The following PAPPA2 variants were observed in gnomAD, a reference collection of about 807,000 sequenced individuals.
The protein encoded by PAPPA2 is pappalysin 2.
In PAPPA2, 86 loss-of-function variants were observed where a neutral mutation model predicts 176.4. The ratio of observed to expected loss-of-function variants is 0.49; its 90% CI spans 0.41 to 0.58. The LOEUF (loss-of-function observed/expected upper bound fraction) is 0.58, where lower values mean the gene tolerates loss of function less well. PAPPA2 is among the 20% of genes least tolerant of loss of function. The pLI is 0.00. For synonymous variants in PAPPA2, 809 were observed against 852.2 expected, an observed-to-expected ratio of 0.95 and a Z score of 0.88; for missense variants, 2,073 against 2,256.9, an observed-to-expected ratio of 0.92 and a Z score of 1.65.
chr1:176,793,136 C>G (rs1218987986), intron 19 of PAPPA2, among the ~76,000 whole-genome samples: 1 of 152,118 alleles, frequency 6.6e-6, no homozygotes, highest in Non-Finnish European at 1.5e-5. Context: ...TTTAAGCTTC[C>G]AGGAGACCAT....
intron 1 of PAPPA2, among the ~76,000 whole-genome samples, chr1:176,487,444 C>A (rs1652696917): frequency 6.6e-6 from 1 of 152,156 alleles, no homozygotes; most frequent in Admixed American, 6.6e-5. Flanking sequence ...GCAACCTTGG[C>A]CAGGTACTCA....
intron 1 of PAPPA2, among the ~76,000 whole-genome samples, chr1:176,477,993 A>G (rs1450033354): frequency 6.6e-6 from 1 of 152,164 alleles, no homozygotes; most frequent in Non-Finnish European, 1.5e-5. Flanking sequence ...CCATGGGACA[A>G]TTATGGAGGT....
At chr1:176,693,647 A>G (rs1660226076) in intron 6 of PAPPA2, among the ~76,000 whole-genome samples, 1 of 152,102 alleles carries the variant, frequency 6.6e-6, no homozygotes, top group South Asian at 2.1e-4. Flanking sequence ...GGATTTTGAT[A>G]CCTGTCCCTG....
intron 1 of PAPPA2, among the ~76,000 whole-genome samples, chr1:176,498,893 G>A (rs145242455): frequency 4.7e-4 from 72 of 152,270 alleles, no homozygotes; most frequent in African/African-American, 1.6e-3. Flanking sequence ...ACCTAAGGCT[G>A]TCCTTTCCAC....
intron 3 of PAPPA2, among the ~76,000 whole-genome samples, chr1:176,632,568 G>A (rs1573162453): frequency 6.6e-6 from 1 of 152,262 alleles, no homozygotes; most frequent in African/African-American, 2.4e-5. Context: ...AAGACTGACA[G>A]TGCTAATAGT....
At chr1:176,679,417 A>G (rs936197777) in intron 4 of PAPPA2, among the ~76,000 whole-genome samples, 2 of 152,040 alleles carry the variant, frequency 1.3e-5, no homozygotes, top group African/African-American at 4.8e-5. Flanking sequence ...ACATGTTGCA[A>G]CTTGCTTCTT....
chr1:176,727,603 A>G (rs1661941502), intron 12 of PAPPA2, among the ~76,000 whole-genome samples: 1 of 152,134 alleles, frequency 6.6e-6, no homozygotes, highest in Admixed American at 6.5e-5. Context: ...AGCCAAATTT[A>G]TAATCATAGT....
At chr1:176,633,849 T>C (rs1300433819) in intron 3 of PAPPA2, among the ~76,000 whole-genome samples, 1 of 152,120 alleles carries the variant, frequency 6.6e-6, no homozygotes, top group Non-Finnish European at 1.5e-5. Context: ...AAAATGCTCA[T>C]CATCACTGGC....
chr1:176,623,751 C>CT (rs2102697095), intron 3 of PAPPA2, among the ~76,000 whole-genome samples: 1 of 84,952 alleles, frequency 1.2e-5, no homozygotes, highest in Non-Finnish European at 2.2e-5. Context: ...TCTCTCTTTC[C>CT]TTCCTTCCTT....
Position 176,739,759 on chromosome 1 carries a change from T to C in PAPPA2, c.3932T>C (p.Leu1311Pro). 1.2e-6 allele frequency: 2 copies of C among 1,613,466 alleles called. No homozygotes were observed. The highest frequency in any genetic ancestry group is 1.7e-6 in the Non-Finnish European group (2 of 1,179,706). The change falls in exon 13 of 23, where the codon CTT becomes CCT. Residue 1311 changes from leucine (L) to proline (P), a missense_variant and splice_region_variant. Physicochemically the swap from Leu to Pro is moderately conservative, Grantham distance 98. This residue lies in a region of PAPPA2 where 846 missense variants were observed against 857.9 expected (regional missense o/e 0.99). Coordinates refer to ENST00000367662, the MANE Select transcript of PAPPA2 (RefSeq NM_020318.3). ...GATGTCCGTGGAAGCAACCACTCTC[T>C]TGGTGAGTCTGACAAATATCCCTTT... ...LTDVRGSNHS[L>P]GTYGLSCQHN...
chr1:176,478,551 T>G lies in PAPPA2; in HGVS notation c.-917+15133T>G, dbSNP rs140769371. 2.3e-3 allele frequency among the ~76,000 whole-genome samples: 348 copies of G among 152,358 alleles called. 3 individuals carry two copies. Among genetic ancestry groups the G allele is most frequent in the African/African-American group, 8.0e-3 (334 of 41,592 alleles). ...TTGCAGAATAACAATCACAGCCTCA[T>G]GATAGTTACTGGCATCACATCAGAT... is the stretch of plus-strand genomic sequence containing the variant. On this transcript the variant is annotated intron_variant, in intron 1 of 22. Coordinates refer to ENST00000367662, the MANE Select transcript of PAPPA2 (RefSeq NM_020318.3).
At chr1:176,749,930 A>G (rs562118934) in intron 14 of PAPPA2, among the ~76,000 whole-genome samples, 3 of 152,348 alleles carry the variant, frequency 2.0e-5, no homozygotes, top group East Asian at 3.9e-4. Flanking sequence ...TAAAGCTGCT[A>G]TAAATATCCA....
rs570806429 is a variant in PAPPA2, at chr1:176,623,563, C to T, written c.1991+27968C>T. Among the ~76,000 whole-genome samples the T allele has an allele frequency of 3.5e-3, 294 of 85,010 alleles. 2 individuals carry two copies. The highest frequency in any genetic ancestry group is 0.013 in the African/African-American group (276 of 20,792). The allele number at this position is 85,010 out of a possible 152,430, so 55.8% of individuals were successfully genotyped here. On this transcript the variant is annotated intron_variant, in intron 3 of 22. Transcript: ENST00000367662. ...CTGGAACAGCTGCATTTTCCCCTTC[C>T]TTCCTTCCTTCCCTCCTTCCTTCCT... is the stretch of plus-strand genomic sequence containing the variant.
At chr1:176,728,212 G>A (rs1442434478) in intron 12 of PAPPA2, among the ~76,000 whole-genome samples, 6 of 151,760 alleles carry the variant, frequency 4.0e-5, no homozygotes, top group Non-Finnish European at 8.9e-5. Flanking sequence ...GGAAATAGAA[G>A]CCAGTGCAGT....
chr1:176,713,997 T>C (rs920056403), intron 12 of PAPPA2, among the ~76,000 whole-genome samples: 5 of 152,160 alleles, frequency 3.3e-5, no homozygotes, highest in African/African-American at 1.2e-4. Context: ...ATAAGTCTTT[T>C]AACTCTAACT....
At chr1:176,738,461 T>C (rs554459638) in intron 12 of PAPPA2, among the ~76,000 whole-genome samples, 8 of 152,240 alleles carry the variant, frequency 5.3e-5, no homozygotes, top group African/African-American at 1.7e-4. Flanking sequence ...GAATTCTTGT[T>C]AAAATGAAAA....
intron 1 of PAPPA2, among the ~76,000 whole-genome samples, chr1:176,517,567 T>C (rs993124009): frequency 2.6e-5 from 4 of 152,126 alleles, no homozygotes; most frequent in African/African-American, 9.7e-5. Flanking sequence ...CAGTGAGTCA[T>C]CCCAGGCTGT....
rs1251382479 is a variant in PAPPA2, at chr1:176,667,436, G to C, written c.1992-3534G>C. Among the ~76,000 whole-genome samples the C allele has an allele frequency of 2.0e-5, 3 of 152,098 alleles. No individual in the cohort carries two copies. The East Asian group carries it at 5.8e-4, about 29-fold the overall frequency. Reference sequence around the variant, plus strand: ...AGTGGGGAGTATATGGGAATGAGTAGAGTTCCATGCACCTAAGAGCAAAAG... The same window carrying C: ...AGTGGGGAGTATATGGGAATGAGTACAGTTCCATGCACCTAAGAGCAAAAG... On this transcript the variant is annotated intron_variant, in intron 3 of 22. Coordinates refer to ENST00000367662, the MANE Select transcript of PAPPA2 (RefSeq NM_020318.3).
intron 3 of PAPPA2, among the ~76,000 whole-genome samples, chr1:176,635,480 C>T (rs1656642360): frequency 1.3e-5 from 2 of 152,104 alleles, no homozygotes; most frequent in Non-Finnish European, 2.9e-5. Context: ...TTTGGCCAGC[C>T]ATCTTAGAAT....
Sources: allele counts gnomAD v4.1 joint callset (sites outside exome capture counted in the v4.1 genomes callset), GRCh38; gene constraint gnomAD v4.1.1; regional missense constraint gnomAD v4.1.1; transcripts MANE v1.5; gene names NCBI Gene and HGNC (gene_info 2026-07-23, HGNC 2026-07-21).